The following NR2F1-AS1 variants were observed in gnomAD, a reference collection of about 807,000 sequenced individuals.
NR2F1-AS1 encodes NR2F1 antisense RNA 1.
chr5:93,458,086 C>T (rs548063065), intron 4 of NR2F1-AS1, among the ~76,000 whole-genome samples: 2 of 152,264 alleles, frequency 1.3e-5, no homozygotes, highest in East Asian at 3.9e-4. Context: ...CCCCTCCACA[C>T]CTGTGGGCAT....
intron 4 of NR2F1-AS1, among the ~76,000 whole-genome samples, chr5:93,419,389 T>C (rs935118919): frequency 6.6e-6 from 1 of 152,230 alleles, no homozygotes; most frequent in South Asian, 2.1e-4. Context: ...TGTTATGTGA[T>C]ATTCAAGTAA....
At chr5:93,535,157 A>C (rs1751814160) in intron 4 of NR2F1-AS1, among the ~76,000 whole-genome samples, 1 of 152,096 alleles carries the variant, frequency 6.6e-6, no homozygotes. Context: ...CAGACAAAAA[A>C]AAAAAATGGA....
intron 2 of NR2F1-AS1, among the ~76,000 whole-genome samples, chr5:93,558,287 G>A (rs1029777295): frequency 3.3e-4 from 50 of 151,180 alleles, no homozygotes; most frequent in South Asian, 2.1e-4. Context: ...GAATCACTAC[G>A]TATGGCAGCT....
intron 4 of NR2F1-AS1, among the ~76,000 whole-genome samples, chr5:93,450,107 CTT>C (rs1749796137): frequency 6.6e-6 from 1 of 152,142 alleles, no homozygotes; most frequent in African/African-American, 2.4e-5. Flanking sequence ...TTTTCTAACT[CTT>C]TTCTCGAATT....
chr5:93,486,644 C>T (rs1750723741), intron 4 of NR2F1-AS1, among the ~76,000 whole-genome samples: 1 of 152,192 alleles, frequency 6.6e-6, no homozygotes, highest in South Asian at 2.1e-4. Flanking sequence ...CAAACAGATT[C>T]ACAGCTGAAT....
intron 1 of NR2F1-AS1, among the ~76,000 whole-genome samples, chr5:93,573,648 C>G (rs895060628): frequency 3.9e-5 from 6 of 152,150 alleles, no homozygotes; most frequent in Admixed American, 2.6e-4. Context: ...TAATCTTTTG[C>G]GAAAATGAAA....
intron 4 of NR2F1-AS1, among the ~76,000 whole-genome samples, chr5:93,534,933 T>C (rs1020086371): frequency 6.6e-6 from 1 of 152,204 alleles, no homozygotes; most frequent in Non-Finnish European, 1.5e-5. Flanking sequence ...TGTCACTGTT[T>C]GTCCAAAAGC....
chr5:93,494,047 G>GA (rs1401330583), intron 4 of NR2F1-AS1, among the ~76,000 whole-genome samples: 2 of 152,032 alleles, frequency 1.3e-5, no homozygotes, highest in African/African-American at 4.8e-5. Context: ...TACAGAATGG[G>GA]AAAAAAATTT....
chr5:93,567,233 T>A (rs997835727), intron 1 of NR2F1-AS1, among the ~76,000 whole-genome samples: 1 of 152,112 alleles, frequency 6.6e-6, no homozygotes, highest in Non-Finnish European at 1.5e-5. Context: ...CACCTTTTTT[T>A]TTCCTGGGTT....
intron 4 of NR2F1-AS1, among the ~76,000 whole-genome samples, chr5:93,469,473 A>T (rs1037962186): frequency 2.0e-5 from 3 of 152,162 alleles, no homozygotes; most frequent in Non-Finnish European, 2.9e-5. Flanking sequence ...AAAGCAAATT[A>T]TATTCTGTGT....
At chr5:93,525,484 T>C (rs1226865927) in intron 4 of NR2F1-AS1, among the ~76,000 whole-genome samples, 1 of 152,188 alleles carries the variant, frequency 6.6e-6, no homozygotes, top group Non-Finnish European at 1.5e-5. Flanking sequence ...ATTCAGGACT[T>C]GAACTCAGCT....
chr5:93,568,861 A>G (rs1752676405), intron 1 of NR2F1-AS1, among the ~76,000 whole-genome samples: 2 of 152,218 alleles, frequency 1.3e-5, no homozygotes, highest in Non-Finnish European at 2.9e-5. Flanking sequence ...GGGGAGAACG[A>G]GAGGAACAAC....
intron 4 of NR2F1-AS1, among the ~76,000 whole-genome samples, chr5:93,418,830 A>G (rs1749026220): frequency 2.0e-5 from 3 of 152,138 alleles, no homozygotes; most frequent in Admixed American, 2.0e-4. Context: ...TTTGATTTCA[A>G]GTCACTGAAA....
chr5:93,585,073 G>C (rs1161071302), upstream of NR2F1-AS1: 5 of 1,031,494 alleles, frequency 4.8e-6, no homozygotes, highest in Non-Finnish European at 5.8e-6. Flanking sequence ...GACGTGGCCG[G>C]GGGCAACCCC....
At chr5:93,469,137 A>T (rs1386695655) in intron 4 of NR2F1-AS1, among the ~76,000 whole-genome samples, 2 of 152,112 alleles carry the variant, frequency 1.3e-5, no homozygotes, top group African/African-American at 4.8e-5. Context: ...TTGCTTAATG[A>T]TGGGGATATG....
At chr5:93,532,663 T>C (rs945057389) in intron 4 of NR2F1-AS1, among the ~76,000 whole-genome samples, 1 of 152,250 alleles carries the variant, frequency 6.6e-6, no homozygotes, top group African/African-American at 2.4e-5. Flanking sequence ...AGCTGACTTA[T>C]TCCACAGGAA....
intron 4 of NR2F1-AS1, among the ~76,000 whole-genome samples, chr5:93,421,052 A>G (rs1182150374): frequency 6.6e-6 from 1 of 152,238 alleles, no homozygotes; most frequent in Non-Finnish European, 1.5e-5. Context: ...CCTAAGGAAT[A>G]AAGTTTTTCA....
At chr5:93,478,491 C>T (rs1750534300) in intron 4 of NR2F1-AS1, among the ~76,000 whole-genome samples, 1 of 152,332 alleles carries the variant, frequency 6.6e-6, no homozygotes, top group African/African-American at 2.4e-5. Context: ...GCAACCTTCG[C>T]ATCCCAGATT....
intron 4 of NR2F1-AS1, among the ~76,000 whole-genome samples, chr5:93,477,492 G>A (rs1182406804): frequency 6.6e-6 from 1 of 152,048 alleles, no homozygotes; most frequent in Non-Finnish European, 1.5e-5. Flanking sequence ...CCCCCTTTCT[G>A]CAGTTTAGAA....
Sources: gnomAD v4.1 joint callset for allele counts (sites outside exome capture counted in the v4.1 genomes callset) on GRCh38, gnomAD v4.1.1 for gene constraint, MANE v1.5 for transcripts, NCBI Gene and HGNC (gene_info 2026-07-23, HGNC 2026-07-21) for gene names.